The following DCLK1 variants were observed in gnomAD, a reference collection of about 807,000 sequenced individuals.
DCLK1 encodes doublecortin like kinase 1, also known as serine/threonine-protein kinase DCLK1.
In DCLK1, 16 loss-of-function variants were observed where a neutral mutation model predicts 86.2. The ratio of observed to expected loss-of-function variants is 0.19; its 90% CI spans 0.13 to 0.28. The LOEUF (loss-of-function observed/expected upper bound fraction) is 0.28. Among genes scored for constraint, DCLK1 ranks in the 10% least tolerant of loss-of-function variants. The probability of loss-of-function intolerance (pLI) is 1.00; values close to 1 mark genes in which losing one functional copy is unlikely to be tolerated. For missense variants in DCLK1, 590 were observed against 940.2 expected (o/e 0.63, Z 4.87); for synonymous variants, 369 against 370.5 (o/e 1.00, Z 0.05).
chr13:35,813,730 CTT>C lies in DCLK1; in HGVS notation c.1555-2764_1555-2763del, dbSNP rs35366486. On this transcript the variant is annotated intron_variant, in intron 11 of 16. Coordinates refer to ENST00000360631, the MANE Select transcript of DCLK1 (RefSeq NM_001330071.2). ...ATCACTTGCACAGTGCCCCGCCCCG[CTT>C]TTTTTTTTTTTTTTTTTGCTTTAAA... 2.5e-3 allele frequency among the ~76,000 whole-genome samples: 263 copies of C among 105,416 alleles called. 1 individual carries two copies. The highest frequency in any genetic ancestry group is 8.0e-3 in the African/African-American group (222 of 27,842). The allele number at this position is 105,416 out of a possible 152,430, so 69.2% of individuals were successfully genotyped here.
At chr13:36,050,318 A>C (rs1883077821) in intron 3 of DCLK1, among the ~76,000 whole-genome samples, 1 of 152,198 alleles carries the variant, frequency 6.6e-6, no homozygotes, top group Admixed American at 6.5e-5. Context: ...TTAATTGAAG[A>C]AAGCCAACAT....
At chr13:35,915,826 C>A (rs1333017559) in intron 4 of DCLK1, among the ~76,000 whole-genome samples, 2 of 152,170 alleles carry the variant, frequency 1.3e-5, no homozygotes, top group African/African-American at 4.8e-5. Context: ...TGAGTTACTA[C>A]TTTACTTATG....
chr13:35,983,939 T>C (rs1879782136), intron 3 of DCLK1, among the ~76,000 whole-genome samples: 1 of 152,156 alleles, frequency 6.6e-6, no homozygotes, highest in African/African-American at 2.4e-5. Context: ...TGAATTGCAA[T>C]CTGGAAATCT....
intron 8 of DCLK1, among the ~76,000 whole-genome samples, chr13:35,830,923 T>C (rs1411595731): frequency 1.3e-5 from 2 of 152,184 alleles, no homozygotes; most frequent in East Asian, 3.9e-4. Flanking sequence ...GGAGTAATTT[T>C]AAAGCACTCA....
rs150455772 is a variant in DCLK1, at chr13:36,039,883, A to G, written c.723+71986T>C. Among the ~76,000 whole-genome samples the G allele has an allele frequency of 5.3e-4, 81 of 152,272 alleles. No homozygotes were observed. In the Middle Eastern group the frequency reaches 0.017, roughly 32 times the overall value. On this transcript the variant is annotated intron_variant, in intron 3 of 16. Coordinates refer to ENST00000360631, the MANE Select transcript of DCLK1 (RefSeq NM_001330071.2). Reference sequence around the variant, plus strand: ...AATGAAGATGGCCTTACTAAGTAGCAGATATTTATATAATACAGACAACTT... The same window carrying G: ...AATGAAGATGGCCTTACTAAGTAGCGGATATTTATATAATACAGACAACTT...
intron 11 of DCLK1, among the ~76,000 whole-genome samples, chr13:35,822,315 G>C (rs957475487): frequency 2.8e-5 from 4 of 143,322 alleles, no homozygotes; most frequent in Admixed American, 2.8e-4. Flanking sequence ...TACGATGTCC[G>C]GCTAATTAAA....
intron 4 of DCLK1, among the ~76,000 whole-genome samples, chr13:35,884,611 C>T (rs1372859754): frequency 2.0e-5 from 3 of 152,148 alleles, no homozygotes; most frequent in East Asian, 1.9e-4. Context: ...TCCTTGGGTA[C>T]GGCTCCTTTA....
intron 4 of DCLK1, among the ~76,000 whole-genome samples, chr13:35,892,112 C>G (rs974137648): frequency 5.3e-5 from 8 of 152,050 alleles, no homozygotes; most frequent in Non-Finnish European, 7.4e-5. Context: ...GTGTCCTCAC[C>G]TTGCTGAGGG....
intron 11 of DCLK1, among the ~76,000 whole-genome samples, chr13:35,820,336 G>A (rs891368304): frequency 6.6e-6 from 1 of 152,158 alleles, no homozygotes; most frequent in African/African-American, 2.4e-5. Context: ...ATAAATGACT[G>A]CAATTGTTTC....
intron 15 of DCLK1, among the ~76,000 whole-genome samples, chr13:35,797,574 C>G (rs2086837425): frequency 6.6e-6 from 1 of 152,098 alleles, no homozygotes; most frequent in Non-Finnish European, 1.5e-5. Context: ...GTCAGAGAGG[C>G]TTTTGACTTC....
intron 4 of DCLK1, among the ~76,000 whole-genome samples, chr13:35,918,057 T>C (rs1409704716): frequency 6.6e-6 from 1 of 152,204 alleles, no homozygotes; most frequent in African/African-American, 2.4e-5. Flanking sequence ...TACAGTCAAA[T>C]GGCAATGCTT....
At chr13:35,792,789 T>A (rs977879407) in intron 16 of DCLK1, among the ~76,000 whole-genome samples, 4 of 152,186 alleles carry the variant, frequency 2.6e-5, no homozygotes, top group Non-Finnish European at 4.4e-5. Flanking sequence ...TGCAGACGCA[T>A]CAATAAAATA....
intron 6 of DCLK1, chr13:35,846,236 G>A (rs767479694): frequency 2.4e-5 from 24 of 984,458 alleles, no homozygotes; most frequent in Admixed American, 6.2e-5. Context: ...TTATAAAAAC[G>A]TTATCCAAAT....
chr13:35,844,208 T>A (rs902380764), intron 6 of DCLK1, among the ~76,000 whole-genome samples: 1 of 152,200 alleles, frequency 6.6e-6, no homozygotes, highest in Non-Finnish European at 1.5e-5. Flanking sequence ...GAATGAATAC[T>A]GAAAAATGTA....
intron 6 of DCLK1, among the ~76,000 whole-genome samples, chr13:35,845,297 C>T (rs1870097481): frequency 6.6e-6 from 1 of 152,084 alleles, no homozygotes; most frequent in South Asian, 2.1e-4. Flanking sequence ...AATTTCCTAT[C>T]CTCTTTAACA....
intron 3 of DCLK1, among the ~76,000 whole-genome samples, chr13:36,061,126 GT>G (rs1236483961): frequency 6.6e-6 from 1 of 152,122 alleles, no homozygotes; most frequent in Non-Finnish European, 1.5e-5. Flanking sequence ...TGAGGGAGGA[GT>G]TGTGAAACCA....
At chr13:35,809,785 CA>C (rs1938024379) in intron 12 of DCLK1, among the ~76,000 whole-genome samples, 1 of 152,338 alleles carries the variant, frequency 6.6e-6, no homozygotes, top group Middle Eastern at 3.4e-3. Flanking sequence ...TGCCAAGTAG[CA>C]AAGTCCTCAT....
At chr13:35,924,544 C>A (rs1368009448) in intron 4 of DCLK1, among the ~76,000 whole-genome samples, 1 of 152,160 alleles carries the variant, frequency 6.6e-6, no homozygotes, top group Non-Finnish European at 1.5e-5. Flanking sequence ...CCCAGCTACT[C>A]AGGAGGCTGA....
chr13:36,045,357 T>TAG (rs1287585486), intron 3 of DCLK1, among the ~76,000 whole-genome samples: 2 of 129,124 alleles, frequency 1.5e-5, no homozygotes, highest in Non-Finnish European at 3.2e-5. Flanking sequence ...TATATATATA[T>TAG]ATATATATAT....
Sources: gnomAD v4.1 joint callset for allele counts (sites outside exome capture counted in the v4.1 genomes callset) on GRCh38, gnomAD v4.1.1 for gene constraint, MANE v1.5 for transcripts, NCBI Gene and HGNC (gene_info 2026-07-23, HGNC 2026-07-21) for gene names.